FFAR1: variants seen among roughly 807,000 people sequenced by gnomAD.
The protein encoded by FFAR1 is G-protein coupled receptor 40.
For missense variants in FFAR1, 424 were observed against 396.2 expected, an observed-to-expected ratio of 1.07 and a Z score of -0.60; for synonymous variants, 216 against 201.5, an observed-to-expected ratio of 1.07 and a Z score of -0.61.
At position 35,352,471 on chromosome 19, in the gene FFAR1, A is replaced by G. The variant is rs775171662; in HGVS notation, c.*17A>G. 1.3e-5 allele frequency: 20 copies of G among 1,547,814 alleles called. No individual in the cohort carries two copies. The African/African-American group carries it at 2.3e-4, about 18-fold the overall frequency. Reference sequence around the variant, plus strand: ...CAGAAGTAACGCCACTGCTCGGGGGAAGGAGCATGGGGCAGGAGGGCCCGG... The same window carrying G: ...CAGAAGTAACGCCACTGCTCGGGGGGAGGAGCATGGGGCAGGAGGGCCCGG... On this transcript the variant is annotated 3_prime_UTR_variant, in exon 1 of 1. Transcript: ENST00000246553.
upstream of FFAR1, among the ~76,000 whole-genome samples, chr19:35,348,382 T>C (rs2066929968): frequency 6.6e-6 from 1 of 152,194 alleles, no homozygotes; most frequent in Admixed American, 6.5e-5. Context: ...GCAGATCACC[T>C]GAGGTCAGGA....
At chr19:35,350,051 G>A (rs1284656754), upstream of FFAR1, among the ~76,000 whole-genome samples, 1 of 152,166 alleles carries the variant, frequency 6.6e-6, no homozygotes, top group Admixed American at 6.5e-5. Context: ...CTGTGCCTTG[G>A]GGAGTGTCCC....
chr19:35,349,102 G>A (rs954801910), upstream of FFAR1, among the ~76,000 whole-genome samples: 7 of 152,182 alleles, frequency 4.6e-5, no homozygotes, highest in Non-Finnish European at 1.0e-4. Flanking sequence ...TCCTCCCAGG[G>A]TCCAGACAAT....
chr19:35,352,253 G>C (rs1241738650), exon 1 of FFAR1: 2 of 1,555,272 alleles, frequency 1.3e-6, no homozygotes, highest in South Asian at 2.3e-5. Context: ...TCACGCTGCT[G>C]CTCTGCGTAG....
upstream of FFAR1, among the ~76,000 whole-genome samples, chr19:35,349,021 G>GCAGGTGAAGAC (rs1221755793): frequency 6.6e-6 from 1 of 152,188 alleles, no homozygotes; most frequent in East Asian, 1.9e-4. Context: ...CAGGTGAAGA[G>GCAGGTGAAGAC]CAGGTGGCCA....
exon 1 of FFAR1, chr19:35,351,620 C>G (rs1568495633): frequency 4.5e-6 from 7 of 1,542,960 alleles, no homozygotes; most frequent in Non-Finnish European, 6.1e-6. Flanking sequence ...TCCCGCTCAA[C>G]GTCCTGGCCA....
At chr19:35,348,513 C>T (rs1197851580), upstream of FFAR1, among the ~76,000 whole-genome samples, 2 of 152,152 alleles carry the variant, frequency 1.3e-5, no homozygotes, top group African/African-American at 2.4e-5. Flanking sequence ...GCAGGAGAGT[C>T]GCTTGAACCT....
At chr19:35,349,979 A>G (rs1024175942), upstream of FFAR1, among the ~76,000 whole-genome samples, 16 of 152,276 alleles carry the variant, frequency 1.1e-4, no homozygotes, top group African/African-American at 3.6e-4. Context: ...GAAACATGAA[A>G]GGCTGGGAGG....
upstream of FFAR1, among the ~76,000 whole-genome samples, chr19:35,350,684 G>A (rs1233424441): frequency 1.3e-5 from 2 of 152,158 alleles, no homozygotes; most frequent in Admixed American, 6.5e-5. Context: ...CAGCCGGGAT[G>A]CCCCATTAGC....
At chr19:35,351,987 G>T (rs747000140) in exon 1 of FFAR1, 1 of 1,614,092 alleles carries the variant, frequency 6.2e-7, no homozygotes, top group East Asian at 2.2e-5. Context: ...TGGGTTGGAG[G>T]CTCCAGGAGG....
upstream of FFAR1, among the ~76,000 whole-genome samples, chr19:35,350,797 A>AG (rs1160123440): frequency 6.6e-6 from 1 of 152,026 alleles, no homozygotes; most frequent in African/African-American, 2.4e-5. Context: ...CAGCCCGCTG[A>AG]GGGGACTGCT....
exon 1 of FFAR1, chr19:35,351,892 A>G (rs1293905366): frequency 6.2e-7 from 1 of 1,613,608 alleles, no homozygotes; most frequent in East Asian, 2.2e-5. Context: ...CCCTTGGGCT[A>G]CCAAGCCTTC....
exon 1 of FFAR1, chr19:35,353,439 C>G (rs974841429): frequency 1.3e-5 from 2 of 152,122 alleles, no homozygotes; most frequent in Non-Finnish European, 2.9e-5. Flanking sequence ...ATGCCATGAT[C>G]GCACCACTGC....
chr19:35,350,973 C>T (rs1434948500), upstream of FFAR1, among the ~76,000 whole-genome samples: 2 of 152,158 alleles, frequency 1.3e-5, no homozygotes, highest in African/African-American at 4.8e-5. Flanking sequence ...CTTGGGCTCT[C>T]CCTGGGGGAC....
At chr19:35,352,023 C>T in exon 1 of FFAR1, 1 of 1,614,090 alleles carries the variant, frequency 6.2e-7, no homozygotes, top group South Asian at 1.1e-5. Flanking sequence ...CAACACCTCC[C>T]TGGGCATCAA....
At chr19:35,352,591 C>A in exon 1 of FFAR1, 4 of 941,964 alleles carry the variant, frequency 4.2e-6, no homozygotes, top group Non-Finnish European at 6.2e-6. Flanking sequence ...CAGAGAGCGG[C>A]GCCTGCTGAG....
chr19:35,349,343 G>A (rs2066935005), upstream of FFAR1, among the ~76,000 whole-genome samples: 1 of 152,200 alleles, frequency 6.6e-6, no homozygotes, highest in South Asian at 2.1e-4. Context: ...ACGCCAGGTG[G>A]GTGGGGCCAA....
At chr19:35,351,908 G>A in exon 1 of FFAR1, 4 of 1,614,092 alleles carry the variant, frequency 2.5e-6, no homozygotes, top group Non-Finnish European at 3.4e-6. Flanking sequence ...CCTTCCGGAG[G>A]CCGTGCTATT....
At chr19:35,352,012 G>A in exon 1 of FFAR1, 1 of 1,614,056 alleles carries the variant, frequency 6.2e-7, no homozygotes, top group Non-Finnish European at 8.5e-7. Context: ...CTGGACCACA[G>A]CAACACCTCC....
Sources: gnomAD v4.1 joint callset for allele counts (sites outside exome capture counted in the v4.1 genomes callset) on GRCh38, gnomAD v4.1.1 for gene constraint, MANE v1.5 for transcripts, NCBI Gene and HGNC (gene_info 2026-07-23, HGNC 2026-07-21) for gene names.